The following GAS7 variants were observed in gnomAD, a reference collection of about 807,000 sequenced individuals.
GAS7 encodes growth arrest-specific protein 7.
GAS7 carries 28 observed loss-of-function variants against 71.1 expected under a neutral mutation model. That is an observed-to-expected ratio of 0.39 (90% confidence interval 0.29 to 0.54). The LOEUF (loss-of-function observed/expected upper bound fraction) is 0.54. Ranked by LOEUF, GAS7 falls within the 20% of genes least tolerant of loss-of-function variation. The pLI, the probability that GAS7 is intolerant of heterozygous loss-of-function variation, is 0.62. For synonymous variants in GAS7, 258 were observed against 245.8 expected, an observed-to-expected ratio of 1.05 and a Z score of -0.46; for missense variants, 436 against 627.8, an observed-to-expected ratio of 0.69 and a Z score of 3.27.
intron 1 of GAS7, among the ~76,000 whole-genome samples, chr17:10,025,075 T>TG (rs1465238547): frequency 3.3e-5 from 5 of 152,074 alleles, no homozygotes; most frequent in Non-Finnish European, 1.5e-5. Flanking sequence ...ACTTGCCCAG[T>TG]GTGGCACGGT....
rs893063227 is a variant in GAS7 at position 9,926,553 on chromosome 17, G to A, written c.1014+88C>T. 5.1e-5 allele frequency: 71 copies of A among 1,378,684 alleles called. No individual in the cohort carries two copies. Among genetic ancestry groups the A allele is most frequent in the Admixed American group, 4.1e-4 (24 of 58,788 alleles). 85.4% of individuals were successfully genotyped at this position (1,378,684 alleles called of 1,614,324 possible). ...CTGGGGACAAAGACTCAGCCTTGGC[G>A]TATGGAGCCACTGCTGGCTTCCCAG... On this transcript the variant is annotated intron_variant, in intron 10 of 13. Transcript: ENST00000432992. The surrounding 1 kb of genome is among the most constrained non-coding windows in gnomAD (Gnocchi z 5.0).
At chr17:10,108,491 T>C (rs2073780732) in intron 1 of GAS7, among the ~76,000 whole-genome samples, 1 of 152,224 alleles carries the variant, frequency 6.6e-6, no homozygotes, top group Admixed American at 6.5e-5. Context: ...ATTTAATGCA[T>C]GCCCCAGTGA....
intron 1 of GAS7, among the ~76,000 whole-genome samples, chr17:10,136,248 C>T (rs1216845880): frequency 6.6e-6 from 1 of 152,198 alleles, no homozygotes; most frequent in Non-Finnish European, 1.5e-5. Context: ...TGGGGAGCCA[C>T]TTCCTCTGGG....
Position 10,035,310 on chromosome 17 carries a change from C to A in GAS7, c.184-15413G>T, listed in dbSNP as rs147410637. 5.8e-4 allele frequency among the ~76,000 whole-genome samples: 89 copies of A among 152,242 alleles called. 1 individual carries two copies. The East Asian group carries it at 0.013, about 23-fold the overall frequency. ...CACAGCAGCAAATCTCCAAGTGTGG[C>A]CCCCGCACGGGCAGCATGAAGTTCT... On this transcript the variant is annotated intron_variant, in intron 1 of 13. Transcript: ENST00000432992.
intron 1 of GAS7, among the ~76,000 whole-genome samples, chr17:10,083,873 A>T (rs1190058156): frequency 1.3e-5 from 2 of 152,222 alleles, no homozygotes; most frequent in African/African-American, 2.4e-5. Context: ...GTATACATAA[A>T]ATAGGTGAAG....
At chr17:10,042,934 G>A (rs192507071) in intron 1 of GAS7, among the ~76,000 whole-genome samples, 3 of 152,332 alleles carry the variant, frequency 2.0e-5, no homozygotes, top group East Asian at 3.9e-4. Context: ...GCCAGTTTAG[G>A]GGGATGCAGT....
intron 7 of GAS7, among the ~76,000 whole-genome samples, chr17:9,941,492 C>A (rs1296325178): frequency 6.6e-6 from 1 of 152,210 alleles, no homozygotes; most frequent in Non-Finnish European, 1.5e-5. Flanking sequence ...AACCAGCCAG[C>A]ACCTGTCCTC....
chr17:10,127,437 C>T (rs556926849), intron 1 of GAS7, among the ~76,000 whole-genome samples: 3 of 152,222 alleles, frequency 2.0e-5, no homozygotes, highest in South Asian at 2.1e-4. Context: ...ACCGAGTCCA[C>T]GGCCTGGAGG....
intron 1 of GAS7, among the ~76,000 whole-genome samples, chr17:10,104,039 G>A (rs1045367263): frequency 6.6e-6 from 1 of 152,150 alleles, no homozygotes; most frequent in East Asian, 1.9e-4. Flanking sequence ...AAAAATTAAA[G>A]ATAAATATAT....
At chr17:9,927,205 T>A (rs914334874) in intron 9 of GAS7, among the ~76,000 whole-genome samples, 1 of 151,510 alleles carries the variant, frequency 6.6e-6, no homozygotes, top group African/African-American at 2.4e-5. Context: ...TCCCAGCACT[T>A]TGGGAGGCCA....
intron 1 of GAS7, among the ~76,000 whole-genome samples, chr17:10,086,836 C>T (rs1195711421): frequency 2.0e-5 from 3 of 152,094 alleles, no homozygotes; most frequent in Non-Finnish European, 4.4e-5. Flanking sequence ...CTCACGGGAA[C>T]GCATCACAGA....
chr17:10,043,369 G>A (rs2072900571), intron 1 of GAS7, among the ~76,000 whole-genome samples: 1 of 152,086 alleles, frequency 6.6e-6, no homozygotes, highest in Admixed American at 6.6e-5. Flanking sequence ...AATGAAGAGG[G>A]GGGATACAAG....
At chr17:10,132,305 T>C (rs1234122365) in intron 1 of GAS7, among the ~76,000 whole-genome samples, 1 of 151,926 alleles carries the variant, frequency 6.6e-6, no homozygotes, top group Admixed American at 6.6e-5. Context: ...TGGCACCTTC[T>C]CCCCTGAAGA....
chr17:9,977,065 TCAATTTCATGGTTTTGA>T (rs1416151741), intron 3 of GAS7, among the ~76,000 whole-genome samples: 3 of 152,250 alleles, frequency 2.0e-5, no homozygotes, highest in South Asian at 2.1e-4. Flanking sequence ...ATGCACGATG[TCAATTTCATGGTTTTGA>T]CAAATGTACC....
At chr17:10,042,181 G>A (rs2072881049) in intron 1 of GAS7, among the ~76,000 whole-genome samples, 1 of 151,574 alleles carries the variant, frequency 6.6e-6, no homozygotes, top group Non-Finnish European at 1.5e-5. Flanking sequence ...TGTAGTCCCA[G>A]CTACTTGGGA....
At chr17:10,046,566 T>C (rs1425884490) in intron 1 of GAS7, among the ~76,000 whole-genome samples, 1 of 150,654 alleles carries the variant, frequency 6.6e-6, no homozygotes, top group African/African-American at 2.4e-5. Flanking sequence ...TGAAACCTCG[T>C]CTCTACTAAA....
chr17:10,083,445 C>G (rs1347355541), intron 1 of GAS7, among the ~76,000 whole-genome samples: 1 of 152,252 alleles, frequency 6.6e-6, no homozygotes, highest in Non-Finnish European at 1.5e-5. Flanking sequence ...TTCTCGGTCC[C>G]TTTGCCAGTC....
chr17:10,179,315 A>T (rs2074397164), intron 1 of GAS7, among the ~76,000 whole-genome samples: 1 of 151,800 alleles, frequency 6.6e-6, no homozygotes, highest in Admixed American at 6.6e-5. Context: ...CCTGGGCAAC[A>T]TGAGTGAAAC....
chr17:9,977,092 C>T (rs1320158006), intron 3 of GAS7, among the ~76,000 whole-genome samples: 3 of 152,114 alleles, frequency 2.0e-5, no homozygotes, highest in Non-Finnish European at 2.9e-5. Context: ...ACAAATGTAC[C>T]GTGGTTATGT....
Sources: allele counts gnomAD v4.1 joint callset (sites outside exome capture counted in the v4.1 genomes callset), GRCh38; gene constraint gnomAD v4.1.1; non-coding constraint Gnocchi (gnomAD v3.1); transcripts MANE v1.5; gene names NCBI Gene and HGNC (gene_info 2026-07-23, HGNC 2026-07-21).